GAK: variants seen among roughly 807,000 people sequenced by gnomAD.
GAK encodes cyclin G associated kinase.
GAK carries 79 observed loss-of-function variants against 143.9 expected under a neutral mutation model. The observed-to-expected ratio is 0.55, with a 90% CI of 0.46 to 0.66. The LOEUF (loss-of-function observed/expected upper bound fraction) is 0.66. GAK is among the 30% of genes least tolerant of loss of function. GAK has a pLI of 0.00. For missense variants in GAK, 1,693 were observed against 1,779.7 expected (o/e 0.95, Z 0.88); for synonymous variants, 881 against 765.5 (o/e 1.15, Z -2.49).
intron 4 of GAK, 73 bp from the exon 5 acceptor site, chr4:904,852 G>A (rs975375416): frequency 2.5e-5 from 37 of 1,483,674 alleles, no homozygotes; most frequent in East Asian, 1.2e-4. Context: ...GCTGTTTCAC[G>A]CGGACTTCCC....
chr4:882,618 C>T (rs1412644632), intron 14 of GAK, 79 bp downstream of exon 14: 20 of 1,534,128 alleles, frequency 1.3e-5, no homozygotes, highest in African/African-American at 2.7e-5. Context: ...TCATGACTGG[C>T]GCTCAGATCC....
At chr4:868,795 C>G in intron 19 of GAK, 110 bp from the exon 20 acceptor site, 1 of 1,134,946 alleles carries the variant, frequency 8.8e-7, no homozygotes, top group Admixed American at 2.5e-5. Context: ...CCGTGGCAGG[C>G]CAGGCCATCG....
At chr4:858,403 C>T (rs564875641) in intron 24 of GAK, among the ~76,000 whole-genome samples, 6 of 152,180 alleles carry the variant, frequency 3.9e-5, no homozygotes, top group South Asian at 4.2e-4. Flanking sequence ...GGGACACAAA[C>T]GGCGGGGATC....
intron 23 of GAK, among the ~76,000 whole-genome samples, chr4:862,232 G>A (rs890834275): frequency 6.6e-6 from 1 of 150,868 alleles, no homozygotes; most frequent in Non-Finnish European, 1.5e-5. Context: ...CTGATGAAGG[G>A]GCTGCACCCG....
chr4:905,482 C>A (rs967061201), intron 4 of GAK, among the ~76,000 whole-genome samples: 3 of 142,074 alleles, frequency 2.1e-5, no homozygotes, highest in Non-Finnish European at 4.6e-5. Flanking sequence ...TGCCATGCTA[C>A]GGACTCCGCC....
chr4:870,247 C>T (rs890217138), intron 19 of GAK, among the ~76,000 whole-genome samples: 9 of 152,240 alleles, frequency 5.9e-5, no homozygotes, highest in African/African-American at 1.4e-4. Context: ...GAGCAGTGGA[C>T]GGCCCTGGGC....
intron 11 of GAK, chr4:886,608 G>C (rs772355419): frequency 3.9e-5 from 6 of 152,252 alleles, no homozygotes; most frequent in Non-Finnish European, 8.8e-5. Flanking sequence ...TGGCTTTGCT[G>C]CCGCATCCTC....
intron 5 of GAK, 129 bp from the exon 6 acceptor site, chr4:898,287 G>T: frequency 9.3e-7 from 1 of 1,072,150 alleles, no homozygotes; most frequent in Non-Finnish European, 1.3e-6. Flanking sequence ...CACGGCTGCC[G>T]GGTGCCTGCA....
chr4:906,840 G>A (rs1721170780), intron 4 of GAK, among the ~76,000 whole-genome samples: 1 of 152,178 alleles, frequency 6.6e-6, no homozygotes, highest in Non-Finnish European at 1.5e-5. Context: ...TGCGCTCCCA[G>A]CCACACTGGC....
At chr4:879,759 C>T (rs186231384) in intron 15 of GAK, among the ~76,000 whole-genome samples, 25 of 152,296 alleles carry the variant, frequency 1.6e-4, no homozygotes, top group Non-Finnish European at 2.4e-4. Flanking sequence ...CTTCACTGCT[C>T]CCGCTTCCCT....
Position 877,813 on chromosome 4 carries a change from G to C in GAK, c.1662-4C>G, listed in dbSNP as rs754640602. 4 of 1,574,260 alleles carry C rather than the reference G, an allele frequency of 2.5e-6. No homozygotes were observed. The South Asian group carries it at 4.6e-5, about 18-fold the overall frequency. ...GTCACACATGTACTCGATGTACCTGGGGGCAGACGTGCCGCGTCACCACGT... is the reference window on the plus strand; with the variant it reads ...GTCACACATGTACTCGATGTACCTGCGGGCAGACGTGCCGCGTCACCACGT... On this transcript the variant is annotated splice_polypyrimidine_tract_variant and splice_region_variant and intron_variant, in intron 15 of 27. Transcript: ENST00000314167.
rs56169884 is a variant in GAK at position 851,848 on chromosome 4, G to A, written c.3410C>T (p.Pro1137Leu). ...TGGCTGTGTGCAGGCTTTGGGGGGCGGCTTGGCCTGAGGGGGCCATGAGGC... is the reference window on the plus strand; with the variant it reads ...TGGCTGTGTGCAGGCTTTGGGGGGCAGCTTGGCCTGAGGGGGCCATGAGGC... Reference protein sequence around the residue: ...QGASWPPQAKPPPKACTQPRP... With the variant: ...QGASWPPQAKLPPKACTQPRP... Residue 1137 changes from proline (P) to leucine (L), a missense_variant, in exon 25 of 28, where the codon CCG (proline) becomes CTG (leucine). By Grantham distance (98) the Pro-to-Leu change is moderately conservative (BLOSUM62 -3). Around this residue, in one of 2 missense-constraint regions of GAK, gnomAD observed 822 missense variants for 788.7 expected, o/e 1.04. Coordinates refer to ENST00000314167, the MANE Select transcript of GAK (RefSeq NM_005255.4). 3.3e-5 allele frequency: 53 copies of A among 1,608,794 alleles called. No individual in the cohort carries two copies. Among genetic ancestry groups the A allele is most frequent in the Admixed American group, 2.4e-4 (14 of 59,448 alleles).
At chr4:893,751 A>C in intron 8 of GAK, 123 bp downstream of exon 8, 2 of 1,229,802 alleles carry the variant, frequency 1.6e-6, no homozygotes, top group Non-Finnish European at 2.2e-6. Flanking sequence ...TGTTGTCAAA[A>C]CTATGGTGAC....
At chr4:884,238 T>C (rs1715784256) in intron 11 of GAK, 152 bp from the exon 12 acceptor site, 1 of 635,442 alleles carries the variant, frequency 1.6e-6, no homozygotes, top group Non-Finnish European at 2.8e-6. Flanking sequence ...CACAGGCGTG[T>C]GGGCAGCTTC....
intron 24 of GAK, chr4:852,534 G>C (rs1205527343): frequency 6.4e-6 from 1 of 155,768 alleles, no homozygotes; most frequent in African/African-American, 2.4e-5. Context: ...CCACCTCCCG[G>C]ATTCTCACCA....
intron 7 of GAK, chr4:894,960 CA>C (rs1718477881): frequency 6.6e-6 from 1 of 151,420 alleles, no homozygotes; most frequent in South Asian, 2.1e-4. Context: ...AGCCTAGCAA[CA>C]AAGCGAGACT....
At chr4:876,078 C>G (rs1471189289) in intron 18 of GAK, among the ~76,000 whole-genome samples, 1 of 152,148 alleles carries the variant, frequency 6.6e-6, no homozygotes, top group Non-Finnish European at 1.5e-5. Flanking sequence ...GGACAGAGAG[C>G]TAACAGGTGC....
rs73064406 is a variant in GAK at position 861,808 on chromosome 4, G to A, written c.3167-2086C>T. On this transcript the variant is annotated intron_variant, in intron 23 of 27. Coordinates refer to ENST00000314167, the MANE Select transcript of GAK (RefSeq NM_005255.4). ...CCCACTGCCCATACAGAGGAAGTTC[G>A]GGTGATCTGGAGAGAAGGTCAAACT... is the stretch of plus-strand genomic sequence containing the variant. Among the ~76,000 whole-genome samples the A allele has an allele frequency of 2.8e-3, 421 of 152,276 alleles. 3 individuals are homozygous for A. The highest frequency in any genetic ancestry group is 9.8e-3 in the African/African-American group (409 of 41,564).
intron 4 of GAK, 119 bp from the exon 5 acceptor site, chr4:904,898 A>C: frequency 3.8e-5 from 37 of 975,310 alleles, no homozygotes; most frequent in East Asian, 8.3e-5. Flanking sequence ...GACTTTCCAC[A>C]CCTAAGTAAC....
Sources: gnomAD v4.1 joint callset for allele counts (sites outside exome capture counted in the v4.1 genomes callset) on GRCh38, gnomAD v4.1.1 for gene constraint, gnomAD v4.1.1 regional missense constraint, MANE v1.5 for transcripts, NCBI Gene and HGNC (gene_info 2026-07-23, HGNC 2026-07-21) for gene names.